The following RASGRP3 variants were observed in gnomAD, a reference collection of about 807,000 sequenced individuals.
RASGRP3 encodes ras guanyl-releasing protein 3.
RASGRP3 carries 54 observed loss-of-function variants against 82.7 expected under a neutral mutation model. The ratio of observed to expected loss-of-function variants is 0.65; its 90% CI spans 0.52 to 0.82. The LOEUF is 0.82. Among genes scored for constraint, RASGRP3 ranks in the 40% least tolerant of loss-of-function variants. The probability of loss-of-function intolerance (pLI) is 0.00; values close to 1 mark genes in which losing one functional copy is unlikely to be tolerated. For synonymous variants in RASGRP3, 309 were observed against 300.5 expected (o/e 1.03, Z -0.29); for missense variants, 861 against 828.9 (o/e 1.04, Z -0.48).
intron 1 of RASGRP3, among the ~76,000 whole-genome samples, chr2:33,483,861 A>G (rs1209404266): frequency 6.6e-6 from 1 of 152,174 alleles, no homozygotes; most frequent in Non-Finnish European, 1.5e-5. Flanking sequence ...GTATGTATGC[A>G]GTTTTAATTG....
upstream of RASGRP3, among the ~76,000 whole-genome samples, chr2:33,475,872 C>G (rs1246972214): frequency 6.6e-6 from 1 of 152,198 alleles, no homozygotes; most frequent in East Asian, 1.9e-4. Flanking sequence ...GCGTTGTCAA[C>G]TTGGTGATAA....
chr2:33,471,242 C>T (rs553174656), intron 2 of RASGRP3, among the ~76,000 whole-genome samples: 55 of 152,084 alleles, frequency 3.6e-4, no homozygotes, highest in African/African-American at 1.2e-3. Flanking sequence ...GTGGTGTGAT[C>T]ATACCTTACT....
intron 2 of RASGRP3, among the ~76,000 whole-genome samples, chr2:33,459,464 C>CATTGG (rs1666235092): frequency 6.6e-6 from 1 of 152,048 alleles, no homozygotes; most frequent in African/African-American, 2.4e-5. Flanking sequence ...CTTTGCATTG[C>CATTGG]TTTTAGTTCA....
chr2:33,559,163 A>C, intron 17 of RASGRP3, 133 bp downstream of exon 17: 1 of 728,824 alleles, frequency 1.4e-6, no homozygotes, highest in South Asian at 2.0e-5. Flanking sequence ...GACATGTATC[A>C]CTTTTAGTCT....
At chr2:33,550,142 T>C (rs1442881259) in intron 14 of RASGRP3, among the ~76,000 whole-genome samples, 3 of 152,196 alleles carry the variant, frequency 2.0e-5, no homozygotes, top group Admixed American at 2.0e-4. Flanking sequence ...CAGAAATCCG[T>C]CATGGCATGG....
chr2:33,520,063 C>G (rs759127605), intron 5 of RASGRP3, 49 bp downstream of exon 5: 1 of 1,434,074 alleles, frequency 7.0e-7, no homozygotes. Flanking sequence ...GTTCTGGAAT[C>G]GTGGACAATT....
chr2:33,501,906 G>T (rs1227157928), intron 1 of RASGRP3, among the ~76,000 whole-genome samples: 1 of 152,222 alleles, frequency 6.6e-6, no homozygotes, highest in East Asian at 1.9e-4. Context: ...CTACACTGCG[G>T]CTAAGCCTTA....
chr2:33,547,197 C>G (rs1674863678), intron 13 of RASGRP3, among the ~76,000 whole-genome samples: 1 of 151,900 alleles, frequency 6.6e-6, no homozygotes, highest in Non-Finnish European at 1.5e-5. Flanking sequence ...TAAGTGAGAG[C>G]TAAATGATGA....
chr2:33,445,537 T>C (rs1188251536), intron 1 of RASGRP3, among the ~76,000 whole-genome samples: 4 of 152,168 alleles, frequency 2.6e-5, no homozygotes, highest in African/African-American at 9.6e-5. Flanking sequence ...ATTTTCCCCA[T>C]AGAAACAAAG....
chr2:33,452,140 G>C (rs1574232107), intron 2 of RASGRP3, among the ~76,000 whole-genome samples: 1 of 152,128 alleles, frequency 6.6e-6, no homozygotes, highest in East Asian at 1.9e-4. Flanking sequence ...TTCATGATTT[G>C]ATTTAGTTAT....
Position 33,558,995 on chromosome 2 carries a change from C to T in RASGRP3, c.2029C>T (p.Gln677Ter), listed in dbSNP as rs762776188. 15 of 1,612,996 alleles carry T rather than the reference C, an allele frequency of 9.3e-6. No individual in the cohort carries two copies. In the South Asian group the frequency reaches 1.5e-4, roughly 17 times the overall value. The change falls in exon 17 of 18, where the codon CAG (glutamine) becomes TAG (stop). Residue 677 changes from glutamine (Q) to a stop codon, truncating the protein, a stop_gained. Coordinates refer to ENST00000403687, the MANE Select transcript of RASGRP3 (RefSeq NM_001139488.2). LOFTEE classifies it high-confidence loss of function. ...VDRGTEFELD[Q>*]DEGEETRQDG... ...CCGGGGCACGGAGTTTGAACTTGACCAGGATGAAGGAGAAGAGACCAGACA... is the reference window on the plus strand; with the variant it reads ...CCGGGGCACGGAGTTTGAACTTGACTAGGATGAAGGAGAAGAGACCAGACA...
chr2:33,455,020 G>A (rs950024566), intron 2 of RASGRP3, among the ~76,000 whole-genome samples: 8 of 152,154 alleles, frequency 5.3e-5, no homozygotes, highest in Admixed American at 1.3e-4. Flanking sequence ...CCAAGGTAGG[G>A]GGGGCATAAG....
intron 1 of RASGRP3, among the ~76,000 whole-genome samples, chr2:33,438,794 C>A (rs1213021855): frequency 6.6e-6 from 1 of 151,934 alleles, no homozygotes; most frequent in Admixed American, 6.6e-5. Flanking sequence ...CTCCTACAAT[C>A]ACCATGTGTT....
At chr2:33,488,254 GA>G (rs1276405186) in intron 1 of RASGRP3, among the ~76,000 whole-genome samples, 2 of 152,142 alleles carry the variant, frequency 1.3e-5, no homozygotes, top group Non-Finnish European at 2.9e-5. Context: ...AGTGTTAATT[GA>G]ATTTGAATGT....
At chr2:33,450,080 A>T (rs1665706268) in intron 2 of RASGRP3, among the ~76,000 whole-genome samples, 3 of 152,174 alleles carry the variant, frequency 2.0e-5, no homozygotes, top group Admixed American at 2.0e-4. Context: ...TACTTTTCTT[A>T]TCGTTATTTC....
Position 33,562,865 on chromosome 2 carries a change from C to A in RASGRP3, c.*128C>A. 1 of 1,235,210 alleles carries A rather than the reference C, an allele frequency of 8.1e-7. No individual in the cohort carries two copies. 76.5% of individuals were successfully genotyped at this position (1,235,210 alleles called of 1,614,324 possible). The stretch of plus-strand genomic sequence containing the variant: ...TACCTGGATGTTTACTGCCTTGGGA[C>A]ACTGTGGGATCTCCATGTTTGGACT... On this transcript the variant is annotated 3_prime_UTR_variant, in exon 18 of 18. Coordinates refer to ENST00000403687, the MANE Select transcript of RASGRP3 (RefSeq NM_001139488.2).
chr2:33,522,466 G>T lies in RASGRP3; in HGVS notation c.516+364G>T, dbSNP rs115674604. The stretch of plus-strand genomic sequence containing the variant: ...TTTTTGGGAAAAAATATTTAGTTAG[G>T]TTCGGATTTGTATAAATGGCTAATT... On this transcript the variant is annotated intron_variant, in intron 7 of 17. Coordinates refer to ENST00000403687, the MANE Select transcript of RASGRP3 (RefSeq NM_001139488.2). 9.8e-4 allele frequency among the ~76,000 whole-genome samples: 149 copies of T among 152,280 alleles called. 2 individuals are homozygous for T. Among genetic ancestry groups the T allele is most frequent in the African/African-American group, 3.5e-3 (146 of 41,542 alleles).
intron 2 of RASGRP3, among the ~76,000 whole-genome samples, chr2:33,470,657 G>A (rs186183420): frequency 6.6e-4 from 100 of 152,240 alleles, no homozygotes; most frequent in African/African-American, 2.3e-3. Flanking sequence ...GGGATTATGG[G>A]TGTGAGCCAC....
At chr2:33,456,921 T>TTTGG in intron 2 of RASGRP3, among the ~76,000 whole-genome samples, 1 of 150,314 alleles carries the variant, frequency 6.7e-6, no homozygotes, top group South Asian at 2.1e-4. Flanking sequence ...TTTTTTTTTT[T>TTTGG]GAGATGGAGT....
Sources: allele counts gnomAD v4.1 joint callset (sites outside exome capture counted in the v4.1 genomes callset), GRCh38; gene constraint gnomAD v4.1.1; transcripts MANE v1.5; gene names NCBI Gene and HGNC (gene_info 2026-07-23, HGNC 2026-07-21).